The following ITGB6 variants were observed in gnomAD, a reference collection of about 807,000 sequenced individuals.
The protein encoded by ITGB6 is integrin subunit beta 6.
Under a neutral mutation model 84.5 loss-of-function variants are expected in ITGB6, and 80 were observed. The ratio of observed to expected loss-of-function variants is 0.95; its 90% CI spans 0.79 to 1.14. The LOEUF is 1.14. Ranked by LOEUF, ITGB6 falls within the 50% of genes most tolerant of loss-of-function variation. The pLI is 0.00. For missense variants in ITGB6, 1,006 were observed against 968.0 expected (o/e 1.04, Z -0.52); for synonymous variants, 383 against 354.9 (o/e 1.08, Z -0.89).
intron 12 of ITGB6, among the ~76,000 whole-genome samples, chr2:160,116,951 CAAG>C (rs1184145737): frequency 2.4e-4 from 37 of 151,752 alleles, no homozygotes; most frequent in Admixed American, 2.4e-3. Flanking sequence ...ATCAATTCAA[CAAG>C]AAGAGCTAAC....
intron 8 of ITGB6, among the ~76,000 whole-genome samples, chr2:160,141,604 A>G (rs1684003306): frequency 6.6e-6 from 1 of 152,180 alleles, no homozygotes; most frequent in South Asian, 2.1e-4. Flanking sequence ...AAGCCTGTAG[A>G]GTTAGCTCTC....
At chr2:160,188,695 C>T (rs1185385674) in intron 4 of ITGB6, among the ~76,000 whole-genome samples, 1 of 152,018 alleles carries the variant, frequency 6.6e-6, no homozygotes, top group Admixed American at 6.6e-5. Context: ...CCTCCGCCTC[C>T]CTGGTTTAAG....
At chr2:160,193,213 C>T (rs1686208252) in intron 4 of ITGB6, among the ~76,000 whole-genome samples, 1 of 151,934 alleles carries the variant, frequency 6.6e-6, no homozygotes, top group South Asian at 2.1e-4. Flanking sequence ...TAATAGCTCC[C>T]CAAAATAGAA....
chr2:160,127,783 T>C (rs1440606699), intron 10 of ITGB6, among the ~76,000 whole-genome samples: 2 of 152,210 alleles, frequency 1.3e-5, no homozygotes, highest in Non-Finnish European at 2.9e-5. Flanking sequence ...TCTCTGTGCA[T>C]ATTTATTTAG....
chr2:160,146,779 G>A (rs1201544226), intron 7 of ITGB6, among the ~76,000 whole-genome samples: 1 of 151,978 alleles, frequency 6.6e-6, no homozygotes, highest in Non-Finnish European at 1.5e-5. Context: ...GAGTAAACAA[G>A]CAAATACCAT....
intron 7 of ITGB6, among the ~76,000 whole-genome samples, chr2:160,153,092 A>T (rs1684490839): frequency 6.6e-6 from 1 of 152,196 alleles, no homozygotes; most frequent in Admixed American, 6.5e-5. Flanking sequence ...AACTACTTTA[A>T]AGTTGATATG....
chr2:160,164,274 A>G (rs1684922821), intron 7 of ITGB6, among the ~76,000 whole-genome samples: 1 of 152,232 alleles, frequency 6.6e-6, no homozygotes, highest in South Asian at 2.1e-4. Context: ...TACTCATGAT[A>G]TGTTTGAGAA....
intron 10 of ITGB6, among the ~76,000 whole-genome samples, chr2:160,135,527 T>C (rs1323179809): frequency 1.3e-5 from 2 of 152,106 alleles, no homozygotes; most frequent in African/African-American, 4.8e-5. Flanking sequence ...TACCAATGAC[T>C]TTCTTCACAG....
chr2:160,130,849 G>A (rs1014180895), intron 10 of ITGB6, among the ~76,000 whole-genome samples: 1 of 152,132 alleles, frequency 6.6e-6, no homozygotes, highest in East Asian at 1.9e-4. Context: ...CAAATGCTTT[G>A]AGAATGCTCA....
intron 7 of ITGB6, among the ~76,000 whole-genome samples, chr2:160,142,475 C>T (rs981525083): frequency 3.3e-5 from 5 of 152,172 alleles, no homozygotes; most frequent in Non-Finnish European, 5.9e-5. Context: ...GTTTGGTGCA[C>T]ATGGGCAATG....
chr2:160,195,376 G>A lies in ITGB6; in HGVS notation c.586C>T (p.Pro196Ser), dbSNP rs730880298. The change falls in exon 4 of 15, where the codon CCT (proline) becomes TCT (serine). Residue 196 changes from proline (P) to serine (S), a missense_variant. Transcript: ENST00000283249. ...VKTTPEEIAN[P>S]CSSIPYFCLP... ...AGAGAATCATTTACTTACCTGCAAG[G>A]GTTGGCAATTTCTTCTGGTGTTGTT... The A allele has an allele frequency of 3.7e-6, 6 of 1,614,082 alleles. No individual in the cohort carries two copies. In the East Asian group the frequency reaches 1.3e-4, roughly 36 times the overall value.
intron 7 of ITGB6, among the ~76,000 whole-genome samples, chr2:160,159,167 T>C (rs947434895): frequency 6.6e-6 from 1 of 151,712 alleles, no homozygotes; most frequent in African/African-American, 2.4e-5. Context: ...AGTCTGCATT[T>C]TAAGAGGTCC....
At chr2:160,117,117 T>G in intron 12 of ITGB6, among the ~76,000 whole-genome samples, 1 of 151,218 alleles carries the variant, frequency 6.6e-6, no homozygotes, top group East Asian at 1.9e-4. Flanking sequence ...AGACAGAAAG[T>G]TAACAAGGAT....
intron 4 of ITGB6, among the ~76,000 whole-genome samples, chr2:160,176,040 C>A (rs1452352363): frequency 1.6e-4 from 24 of 152,162 alleles, no homozygotes; most frequent in Admixed American, 1.6e-3. Flanking sequence ...TCATCATTTT[C>A]TTCCTATCAG....
At chr2:160,117,571 C>G (rs1335877707) in intron 12 of ITGB6, among the ~76,000 whole-genome samples, 3 of 151,870 alleles carry the variant, frequency 2.0e-5, no homozygotes, top group African/African-American at 7.3e-5. Context: ...AGGAAAGATC[C>G]AAAACTGACA....
chr2:160,112,646 T>C (rs1022425464), intron 12 of ITGB6, among the ~76,000 whole-genome samples: 6 of 152,198 alleles, frequency 3.9e-5, no homozygotes, highest in African/African-American at 1.2e-4. Context: ...ATAGTCAAGA[T>C]TGCTGGCCAT....
At chr2:160,187,436 C>A (rs1308658060) in intron 4 of ITGB6, among the ~76,000 whole-genome samples, 1 of 152,102 alleles carries the variant, frequency 6.6e-6, no homozygotes. Context: ...TCTACTATCA[C>A]CTGTTATCTA....
In ITGB6 at chr2:160,196,261, T is replaced by C. The variant is rs1445901435; in HGVS notation, c.301A>G (p.Ile101Val). The change falls in exon 3 of 15, where the codon ATT (isoleucine) becomes GTT (valine). Residue 101 changes from isoleucine to valine, a missense_variant. Coordinates refer to ENST00000283249, the MANE Select transcript of ITGB6 (RefSeq NM_000888.5). The part of the protein sequence containing the change: ...SVGRQKNSSD[I>V]VQIAPQSLIL... Reference sequence around the variant, plus strand: ...AAGCTTTGAGGCGCAATCTGAACAATGTCAGAACTATTTTTCTGTCTGCCT... The same window carrying C: ...AAGCTTTGAGGCGCAATCTGAACAACGTCAGAACTATTTTTCTGTCTGCCT... 2 of 1,614,074 alleles carry C rather than the reference T, an allele frequency of 1.2e-6. No individual in the cohort carries two copies. The highest frequency in any genetic ancestry group is 2.2e-5 in the South Asian group (2 of 91,078).
intron 11 of ITGB6, 76 bp from the exon 12 acceptor site, chr2:160,123,964 C>A: frequency 9.7e-7 from 1 of 1,032,114 alleles, no homozygotes; most frequent in Non-Finnish European, 1.5e-6. Flanking sequence ...TGCTTTACTG[C>A]TGTTGTTGCA....
Sources: allele counts gnomAD v4.1 joint callset (sites outside exome capture counted in the v4.1 genomes callset), GRCh38; gene constraint gnomAD v4.1.1; transcripts MANE v1.5; gene names NCBI Gene and HGNC (gene_info 2026-07-23, HGNC 2026-07-21).